Variants in SLC24A2 observed in about 807,000 individuals in gnomAD.
The protein encoded by SLC24A2 is sodium/potassium/calcium exchanger 2.
A neutral mutation model predicts 62.0 loss-of-function variants in SLC24A2; 36 were observed. That is an observed-to-expected ratio of 0.58 (90% CI 0.44 to 0.77). The LOEUF is 0.77. SLC24A2 is among the 30% of genes least tolerant of loss of function. The pLI is 0.00. For synonymous variants in SLC24A2, 358 were observed against 294.0 expected (o/e 1.22, Z -2.23); for missense variants, 846 against 817.9 (o/e 1.03, Z -0.42).
the SLC24A2 span, among the ~76,000 whole-genome samples, chr9:20,105,806 A>G: frequency 8.3e-4 from 126 of 152,250 alleles, 1 homozygote; most frequent in African/African-American, 2.9e-3. Flanking sequence ...GCAAGAGCAA[A>G]CACATTCAAA....
At chr9:19,845,612 G>A in the SLC24A2 span, among the ~76,000 whole-genome samples, 2 of 152,022 alleles carry the variant, frequency 1.3e-5, no homozygotes, top group Non-Finnish European at 2.9e-5. Flanking sequence ...TCTGATTTTG[G>A]TTATTTCTTT....
At chr9:20,192,522 A>T in the SLC24A2 span, among the ~76,000 whole-genome samples, 1 of 152,316 alleles carries the variant, frequency 6.6e-6, no homozygotes, top group South Asian at 2.1e-4. Context: ...GCAGATTCCT[A>T]GAGCCTAATT....
chr9:20,061,080 A>G, the SLC24A2 span, among the ~76,000 whole-genome samples: 1 of 152,210 alleles, frequency 6.6e-6, no homozygotes, highest in South Asian at 2.1e-4. Flanking sequence ...ATGGATTATA[A>G]AATTCAAGGA....
At chr9:20,245,153 T>C in the SLC24A2 span, among the ~76,000 whole-genome samples, 1 of 152,192 alleles carries the variant, frequency 6.6e-6, no homozygotes, top group South Asian at 2.1e-4. Context: ...TTACAATCCA[T>C]GGTTCCTGCC....
the SLC24A2 span, among the ~76,000 whole-genome samples, chr9:20,292,579 A>T: frequency 1.3e-5 from 2 of 152,136 alleles, no homozygotes; most frequent in Admixed American, 1.3e-4. Flanking sequence ...TCAGCAACAG[A>T]AATTCGTTGT....
the SLC24A2 span, among the ~76,000 whole-genome samples, chr9:19,963,046 C>T: frequency 3.3e-5 from 5 of 151,870 alleles, no homozygotes; most frequent in African/African-American, 1.2e-4. Flanking sequence ...AATACCTAAG[C>T]CCTCAGAAAT....
At chr9:20,294,995 A>T in the SLC24A2 span, among the ~76,000 whole-genome samples, 2 of 151,756 alleles carry the variant, frequency 1.3e-5, no homozygotes, top group African/African-American at 4.9e-5. Context: ...AATAAGATAA[A>T]ACCACAAAAC....
the SLC24A2 span, among the ~76,000 whole-genome samples, chr9:20,127,016 CTTCAT>C: frequency 2.0e-5 from 3 of 151,920 alleles, no homozygotes; most frequent in Non-Finnish European, 4.4e-5. Flanking sequence ...CCAGATCAAA[CTTCAT>C]TTCATCTCTT....
the SLC24A2 span, among the ~76,000 whole-genome samples, chr9:20,153,270 A>C: frequency 6.6e-6 from 1 of 151,624 alleles, no homozygotes; most frequent in Non-Finnish European, 1.5e-5. Context: ...ATCTAAAAAG[A>C]GCAAACTCTA....
chr9:20,101,422 A>C, the SLC24A2 span, among the ~76,000 whole-genome samples: 3 of 152,258 alleles, frequency 2.0e-5, no homozygotes, highest in Non-Finnish European at 4.4e-5. Flanking sequence ...CTATTAGTGG[A>C]AACTGTTTGC....
chr9:20,019,291 G>GAAAGAAAGAAAGA, the SLC24A2 span, among the ~76,000 whole-genome samples: 6 of 149,844 alleles, frequency 4.0e-5, no homozygotes, highest in East Asian at 1.2e-3. Flanking sequence ...AAGAAAGAAA[G>GAAAGAAAGAAAGA]AAAGAAAGAA....
chr9:19,834,300 CA>C, the SLC24A2 span, among the ~76,000 whole-genome samples: 1 of 151,122 alleles, frequency 6.6e-6, no homozygotes, highest in Non-Finnish European at 1.5e-5. Flanking sequence ...AAGTTCGAAC[CA>C]ATGGCAAAGA....
the SLC24A2 span, among the ~76,000 whole-genome samples, chr9:19,931,581 A>T: frequency 6.6e-6 from 1 of 152,242 alleles, no homozygotes; most frequent in Non-Finnish European, 1.5e-5. Context: ...ATCTAAATTG[A>T]CTGAAAAATC....
intron 2 of SLC24A2, among the ~76,000 whole-genome samples, chr9:19,746,529 A>C (rs1313075563): frequency 6.6e-6 from 1 of 152,190 alleles, no homozygotes; most frequent in African/African-American, 2.4e-5. Flanking sequence ...TAGGGTGTCA[A>C]TAAAATTGAT....
chr9:20,090,592 T>A, the SLC24A2 span, among the ~76,000 whole-genome samples: 90 of 152,026 alleles, frequency 5.9e-4, 1 homozygote, highest in Non-Finnish European at 8.5e-4. Context: ...ACAGCAAAAT[T>A]ACCTAACACC....
At chr9:19,523,494 G>A (rs991190801) in intron 9 of SLC24A2, among the ~76,000 whole-genome samples, 12 of 151,920 alleles carry the variant, frequency 7.9e-5, no homozygotes, top group Non-Finnish European at 1.8e-4. Flanking sequence ...ACGGAGTCTC[G>A]TTCTGTTGCC....
chr9:19,702,145 C>A (rs1486831244), intron 2 of SLC24A2, among the ~76,000 whole-genome samples: 1 of 152,160 alleles, frequency 6.6e-6, no homozygotes, highest in East Asian at 1.9e-4. Flanking sequence ...AAACTGTGAA[C>A]TTGCTTTGAG....
At chr9:20,203,542 C>G in the SLC24A2 span, among the ~76,000 whole-genome samples, 9 of 152,146 alleles carry the variant, frequency 5.9e-5, no homozygotes, top group Admixed American at 5.2e-4. Context: ...GTCCATGCTA[C>G]TAATTCAAAA....
At chr9:20,112,499 C>A in the SLC24A2 span, among the ~76,000 whole-genome samples, 1 of 149,546 alleles carries the variant, frequency 6.7e-6, no homozygotes, top group South Asian at 2.1e-4. Flanking sequence ...CACTTTGCAC[C>A]AGGTTTCTTG....
Sources: gnomAD v4.1 joint callset for allele counts (sites outside exome capture counted in the v4.1 genomes callset) on GRCh38, gnomAD v4.1.1 for gene constraint, MANE v1.5 for transcripts, NCBI Gene and HGNC (gene_info 2026-07-23, HGNC 2026-07-21) for gene names.